Variants in GMDS observed in about 807,000 individuals in gnomAD.
GMDS encodes the protein GDP-mannose 4,6 dehydratase.
Under a neutral mutation model 49.9 loss-of-function variants are expected in GMDS, and 20 were observed. The ratio of observed to expected loss-of-function variants is 0.40; its 90% confidence interval spans 0.28 to 0.58. GMDS has a LOEUF of 0.58. Among genes scored for constraint, GMDS ranks in the 20% least tolerant of loss-of-function variants. The pLI, the probability that GMDS is intolerant of heterozygous loss-of-function variation, is 0.42. For missense variants in GMDS, 362 were observed against 481.4 expected (o/e 0.75, Z 2.32); for synonymous variants, 177 against 178.6 (o/e 0.99, Z 0.07).
At chr6:1,672,455 CAA>C (rs1764461886) in intron 9 of GMDS, among the ~76,000 whole-genome samples, 1 of 152,224 alleles carries the variant, frequency 6.6e-6, no homozygotes, top group African/African-American at 2.4e-5. Context: ...ATTCTTCCAA[CAA>C]AAGTCTCTGA....
chr6:2,164,723 A>G (rs1426416681), intron 1 of GMDS, among the ~76,000 whole-genome samples: 1 of 152,230 alleles, frequency 6.6e-6, no homozygotes, highest in African/African-American at 2.4e-5. Context: ...AGCCAGTCAC[A>G]GGATAAGATT....
chr6:1,756,930 A>T lies in GMDS; in HGVS notation c.772-14344T>A, dbSNP rs188267082. Among the ~76,000 whole-genome samples, 56 of 152,258 alleles carry T rather than the reference A, an allele frequency of 3.7e-4. 1 individual carries two copies. The highest frequency in any genetic ancestry group is 1.3e-3 in the African/African-American group (53 of 41,534). On this transcript the variant is annotated intron_variant, in intron 7 of 10. Coordinates refer to ENST00000380815, the MANE Select transcript of GMDS (RefSeq NM_001500.4). ...TGGCGACAGGATCAGCCCAAATTCA[A>T]ACAAAGGGGAAACAGACTCTCCCCC...
chr6:1,976,416 C>T (rs554267988), intron 4 of GMDS, among the ~76,000 whole-genome samples: 112 of 152,172 alleles, frequency 7.4e-4, no homozygotes, highest in Non-Finnish European at 1.4e-3. Flanking sequence ...TGGCACATAA[C>T]GGGAACACAG....
intron 4 of GMDS, among the ~76,000 whole-genome samples, chr6:2,067,523 C>T (rs1056045168): frequency 2.0e-5 from 3 of 151,612 alleles, no homozygotes; most frequent in African/African-American, 7.3e-5. Flanking sequence ...GCTAGCAAGA[C>T]TAATAAAGAA....
chr6:2,003,911 A>T (rs1014569603), intron 4 of GMDS, among the ~76,000 whole-genome samples: 6 of 152,258 alleles, frequency 3.9e-5, no homozygotes, highest in South Asian at 2.1e-4. Context: ...TCTGGTAAAG[A>T]TCCAATGTAG....
chr6:1,626,369 G>A (rs961523618), intron 9 of GMDS, among the ~76,000 whole-genome samples: 2 of 152,210 alleles, frequency 1.3e-5, no homozygotes, highest in Non-Finnish European at 2.9e-5. Context: ...TTCAGGAAAA[G>A]TAGAATACAA....
At chr6:2,199,782 T>A (rs1195373376) in intron 1 of GMDS, among the ~76,000 whole-genome samples, 1 of 152,240 alleles carries the variant, frequency 6.6e-6, no homozygotes, top group Non-Finnish European at 1.5e-5. Context: ...AGTATCAACT[T>A]AAAAGCAGAA....
intron 7 of GMDS, among the ~76,000 whole-genome samples, chr6:1,851,484 T>G (rs774518872): frequency 3.9e-5 from 6 of 152,204 alleles, no homozygotes; most frequent in Admixed American, 6.5e-5. Context: ...GTTAGGACCT[T>G]CGGGGCAGGG....
intron 4 of GMDS, among the ~76,000 whole-genome samples, chr6:1,995,581 C>A (rs543664284): frequency 1.1e-3 from 163 of 152,308 alleles, no homozygotes; most frequent in African/African-American, 3.8e-3. Context: ...AGAGATCCTG[C>A]ACTTAGGGAG....
chr6:1,640,673 C>T lies in GMDS; in HGVS notation c.988-16133G>A, dbSNP rs560870290. ...GGAATGTGCCCTTGCATCCCCACAG[C>T]GCAGGCCCAGGGCTGCCGACACAGC... On this transcript the variant is annotated intron_variant, in intron 9 of 10. Coordinates refer to ENST00000380815, the MANE Select transcript of GMDS (RefSeq NM_001500.4). The surrounding 1 kb of genome is among the most constrained non-coding windows in gnomAD (Gnocchi z 4.0). Among the ~76,000 whole-genome samples, 2 of 152,310 alleles carry T rather than the reference C, an allele frequency of 1.3e-5. No homozygotes were observed. Among genetic ancestry groups the T allele is most frequent in the South Asian group, 2.1e-4 (1 of 4,820 alleles).
At chr6:1,732,007 A>G (rs1766827074) in intron 8 of GMDS, among the ~76,000 whole-genome samples, 1 of 152,248 alleles carries the variant, frequency 6.6e-6, no homozygotes, top group Non-Finnish European at 1.5e-5. Flanking sequence ...TGTTAGCTCT[A>G]CAGTAAACAA....
intron 7 of GMDS, among the ~76,000 whole-genome samples, chr6:1,855,295 C>T (rs953034282): frequency 2.6e-5 from 4 of 152,208 alleles, no homozygotes; most frequent in Admixed American, 6.5e-5. Flanking sequence ...CTCTAGGTGT[C>T]AGCCATTTGC....
rs1280861181 is a variant in GMDS, at chr6:1,908,981, A to G, written c.771+21122T>C. On this transcript the variant is annotated intron_variant, in intron 7 of 10. Transcript: ENST00000380815. ...CTATAACCAACCAGTTCAGACAAAA[A>G]GACTTTGAGATTCCCAGGGGAAAAA... Among the ~76,000 whole-genome samples the G allele has an allele frequency of 4.6e-5, 7 of 152,326 alleles. No homozygotes were observed. The East Asian group carries it at 7.7e-4, about 17-fold the overall frequency.
At chr6:1,922,407 A>G (rs998715683) in intron 7 of GMDS, among the ~76,000 whole-genome samples, 1 of 152,190 alleles carries the variant, frequency 6.6e-6, no homozygotes, top group Non-Finnish European at 1.5e-5. Flanking sequence ...GCATATGAAC[A>G]AACATGGTCT....
At chr6:1,944,800 G>C (rs1317286836) in intron 6 of GMDS, among the ~76,000 whole-genome samples, 3 of 151,956 alleles carry the variant, frequency 2.0e-5, no homozygotes, top group Admixed American at 6.5e-5. Flanking sequence ...TCAAATTCTT[G>C]ATCTGATAGA....
chr6:2,094,439 G>A (rs1220734913), intron 4 of GMDS, among the ~76,000 whole-genome samples: 1 of 152,186 alleles, frequency 6.6e-6, no homozygotes, highest in Non-Finnish European at 1.5e-5. Context: ...CATTTTAATT[G>A]TCACTCAACA....
chr6:2,110,283 G>T (rs1774474222), intron 4 of GMDS, among the ~76,000 whole-genome samples: 1 of 135,520 alleles, frequency 7.4e-6, no homozygotes, highest in African/African-American at 2.8e-5. Flanking sequence ...CAGGCTTCCT[G>T]GGGACGAATA....
chr6:1,918,511 C>T (rs562901555), intron 7 of GMDS, among the ~76,000 whole-genome samples: 127 of 151,876 alleles, frequency 8.4e-4, no homozygotes, highest in Non-Finnish European at 1.3e-3. Flanking sequence ...TTTGGGGGGC[C>T]GAGGTGGACA....
intron 9 of GMDS, among the ~76,000 whole-genome samples, chr6:1,647,693 C>G (rs554918369): frequency 6.6e-6 from 1 of 152,268 alleles, no homozygotes; most frequent in South Asian, 2.1e-4. Context: ...GGGTGTGAGT[C>G]CTCACTCTTG....
Sources: gnomAD v4.1 joint callset for allele counts (sites outside exome capture counted in the v4.1 genomes callset) on GRCh38, gnomAD v4.1.1 for gene constraint, Gnocchi (gnomAD v3.1) non-coding constraint, MANE v1.5 for transcripts, NCBI Gene and HGNC (gene_info 2026-07-23, HGNC 2026-07-21) for gene names.